The following SKAP1 variants were observed in gnomAD, a reference collection of about 807,000 sequenced individuals.
SKAP1 encodes src kinase-associated phosphoprotein 1.
A neutral mutation model predicts 58.5 loss-of-function variants in SKAP1; 44 were observed. The observed-to-expected ratio is 0.75, with a 90% CI of 0.59 to 0.97. The LOEUF is 0.97. Among genes scored for constraint, SKAP1 ranks in the 50% least tolerant of loss-of-function variants. The probability of loss-of-function intolerance (pLI) is 0.00; values close to 1 mark genes in which losing one functional copy is unlikely to be tolerated. For missense variants in SKAP1, 390 were observed against 435.2 expected (o/e 0.90, Z 0.92); for synonymous variants, 127 against 149.7 (o/e 0.85, Z 1.11).
intron 4 of SKAP1, among the ~76,000 whole-genome samples, chr17:48,337,050 T>C (rs2066581548): frequency 6.6e-6 from 1 of 152,170 alleles, no homozygotes; most frequent in South Asian, 2.1e-4. Flanking sequence ...TGGAAAAGGC[T>C]TCTATAAGTG....
At chr17:48,267,309 A>G (rs1324948236) in intron 4 of SKAP1, among the ~76,000 whole-genome samples, 2 of 152,236 alleles carry the variant, frequency 1.3e-5, no homozygotes, top group African/African-American at 4.8e-5. Flanking sequence ...AACTTAAACA[A>G]TACCTCAATT....
At chr17:48,418,377 TATCA>T (rs2067756970) in intron 1 of SKAP1, among the ~76,000 whole-genome samples, 1 of 152,116 alleles carries the variant, frequency 6.6e-6, no homozygotes, top group African/African-American at 2.4e-5. Context: ...AAAATATATC[TATCA>T]ATTATTTTCA....
At chr17:48,274,322 G>A (rs2065671680) in intron 4 of SKAP1, among the ~76,000 whole-genome samples, 6 of 152,086 alleles carry the variant, frequency 3.9e-5, no homozygotes, top group Admixed American at 2.6e-4. Flanking sequence ...CTTGAGCCTA[G>A]GAAGCAGAGG....
the SKAP1 span, among the ~76,000 whole-genome samples, chr17:48,439,223 T>C: frequency 6.6e-6 from 1 of 152,258 alleles, no homozygotes; most frequent in African/African-American, 2.4e-5. Context: ...TTGAGTAATA[T>C]GTGATATTTT....
chr17:48,193,118 T>A (rs2064571736), intron 4 of SKAP1, among the ~76,000 whole-genome samples: 1 of 152,190 alleles, frequency 6.6e-6, no homozygotes, highest in African/African-American at 2.4e-5. Context: ...CTCAGCTCAC[T>A]GCAACCTCCA....
intron 9 of SKAP1, among the ~76,000 whole-genome samples, chr17:48,173,816 C>T (rs2064250554): frequency 1.3e-5 from 2 of 152,310 alleles, no homozygotes; most frequent in South Asian, 2.1e-4. Flanking sequence ...CTTCCCACCA[C>T]CATTAGATGG....
intron 9 of SKAP1, among the ~76,000 whole-genome samples, chr17:48,174,512 A>ACC (rs951372128): frequency 2.0e-5 from 3 of 152,188 alleles, no homozygotes; most frequent in African/African-American, 7.2e-5. Context: ...TGTCTTTGCA[A>ACC]CCCCAGAGTC....
intron 11 of SKAP1, among the ~76,000 whole-genome samples, chr17:48,144,597 A>G (rs1205219217): frequency 1.3e-5 from 2 of 152,214 alleles, no homozygotes; most frequent in African/African-American, 4.8e-5. Flanking sequence ...ATGTTCGTTA[A>G]TTATGCTAAT....
intron 4 of SKAP1, among the ~76,000 whole-genome samples, chr17:48,271,469 C>A (rs758992512): frequency 1.1e-4 from 17 of 150,036 alleles, no homozygotes; most frequent in Non-Finnish European, 2.4e-4. Context: ...TGGGTTCCAG[C>A]GTTCCTCACA....
At chr17:48,162,986 A>G (rs1488776963) in intron 10 of SKAP1, among the ~76,000 whole-genome samples, 2 of 152,140 alleles carry the variant, frequency 1.3e-5, no homozygotes, top group African/African-American at 4.8e-5. Context: ...ACTTCTGCCT[A>G]TTTACAAGAA....
chr17:48,270,081 A>T (rs1212634289), intron 4 of SKAP1, among the ~76,000 whole-genome samples: 1 of 152,218 alleles, frequency 6.6e-6, no homozygotes, highest in Non-Finnish European at 1.5e-5. Context: ...ACTGCACTCC[A>T]GCCTGGGCAA....
At chr17:48,393,705 G>A (rs906459738) in intron 2 of SKAP1, among the ~76,000 whole-genome samples, 9 of 152,064 alleles carry the variant, frequency 5.9e-5, no homozygotes, top group Middle Eastern at 3.4e-3. Flanking sequence ...AGCAATACAC[G>A]TTGAGGAAAG....
At chr17:48,139,632 A>T (rs2063744739) in intron 11 of SKAP1, among the ~76,000 whole-genome samples, 1 of 152,206 alleles carries the variant, frequency 6.6e-6, no homozygotes, top group Non-Finnish European at 1.5e-5. Context: ...GGTGATATGT[A>T]AAATTCAGAG....
rs185093264 is a variant in SKAP1, at chr17:48,384,391, C to T, written c.152+12289G>A. 4.9e-4 allele frequency among the ~76,000 whole-genome samples: 75 copies of T among 152,196 alleles called. 1 individual carries two copies. The highest frequency in any genetic ancestry group is 1.3e-3 in the Admixed American group (20 of 15,284). ...TTCAAGCAGTTAGGATTCTTCTAGC[C>T]ACAAATAACAGAAAACCTGACTGAC... On this transcript the variant is annotated intron_variant, in intron 2 of 12. Transcript: ENST00000336915.
chr17:48,328,363 G>A (rs1376423039), intron 4 of SKAP1, among the ~76,000 whole-genome samples: 3 of 152,130 alleles, frequency 2.0e-5, no homozygotes, highest in Non-Finnish European at 4.4e-5. Context: ...AGAAAGATTA[G>A]ATATGACACT....
At chr17:48,204,260 A>AT (rs61622890) in intron 4 of SKAP1, 21,712 of 142,102 alleles carry the variant, frequency 0.15, 1,616 homozygotes, top group East Asian at 0.25. Flanking sequence ...CACCTGGCTA[A>AT]TTTTTTTTTT....
At chr17:48,146,692 G>A (rs1195098270) in intron 11 of SKAP1, among the ~76,000 whole-genome samples, 3 of 150,780 alleles carry the variant, frequency 2.0e-5, no homozygotes, top group Admixed American at 6.6e-5. Context: ...GCAATGGCAC[G>A]ATCTCGGCTC....
At chr17:48,358,853 T>C (rs1047860864) in intron 3 of SKAP1, among the ~76,000 whole-genome samples, 2 of 152,180 alleles carry the variant, frequency 1.3e-5, no homozygotes, top group African/African-American at 4.8e-5. Flanking sequence ...ATTTTATACA[T>C]GAGGAAACTG....
chr17:48,279,901 C>T (rs1226978936), intron 4 of SKAP1, among the ~76,000 whole-genome samples: 5 of 152,170 alleles, frequency 3.3e-5, no homozygotes, highest in Non-Finnish European at 1.5e-5. Context: ...GAGCTTGTCT[C>T]CTAAGGCCAG....
Sources: allele counts gnomAD v4.1 joint callset (sites outside exome capture counted in the v4.1 genomes callset), GRCh38; gene constraint gnomAD v4.1.1; transcripts MANE v1.5; gene names NCBI Gene and HGNC (gene_info 2026-07-23, HGNC 2026-07-21).